TLN2: variants seen among roughly 807,000 people sequenced by gnomAD.
TLN2 encodes the protein talin 2, also known as talin-2.
In TLN2, 118 loss-of-function variants were observed where a neutral mutation model predicts 294.7. The observed-to-expected ratio is 0.40, with a 90% CI of 0.34 to 0.47. The LOEUF (loss-of-function observed/expected upper bound fraction) is 0.47, where lower values mean the gene tolerates loss of function less well. TLN2 is among the 20% of genes least tolerant of loss of function. The probability of loss-of-function intolerance (pLI) is 0.84; values close to 1 mark genes in which losing one functional copy is unlikely to be tolerated. For synonymous variants in TLN2, 1,431 were observed against 1,304.5 expected (o/e 1.10, Z -2.09); for missense variants, 3,083 against 3,282.2 (o/e 0.94, Z 1.48).
intron 33 of TLN2, among the ~76,000 whole-genome samples, chr15:62,750,146 C>T (rs1456364642): frequency 6.6e-6 from 1 of 152,182 alleles, no homozygotes; most frequent in South Asian, 2.1e-4. Flanking sequence ...TGTTTCTTCT[C>T]CTTCAAAACT....
intron 1 of TLN2, among the ~76,000 whole-genome samples, chr15:62,450,974 CTCTT>C (rs1488657466): frequency 6.7e-6 from 1 of 148,638 alleles, no homozygotes; most frequent in Non-Finnish European, 1.5e-5. Flanking sequence ...GGAGTTCTCT[CTCTT>C]TTTTTTTTTT....
intron 18 of TLN2, among the ~76,000 whole-genome samples, 171 bp downstream of exon 18, chr15:62,702,371 A>G (rs771482714): frequency 2.6e-5 from 4 of 152,214 alleles, no homozygotes; most frequent in Admixed American, 6.5e-5. Flanking sequence ...ATCCACATTC[A>G]GGAGTGGTTG....
At chr15:62,657,530 C>G (rs2053362014) in intron 8 of TLN2, among the ~76,000 whole-genome samples, 1 of 152,156 alleles carries the variant, frequency 6.6e-6, no homozygotes, top group South Asian at 2.1e-4. Context: ...TTTGCTTTTG[C>G]TGTACTGGAC....
At chr15:62,552,771 A>G (rs1350759036) in intron 1 of TLN2, among the ~76,000 whole-genome samples, 1 of 152,266 alleles carries the variant, frequency 6.6e-6, no homozygotes, top group East Asian at 1.9e-4. Context: ...AAATAGAAAC[A>G]CACATAAAGC....
intron 3 of TLN2, among the ~76,000 whole-genome samples, chr15:62,620,766 G>A (rs1596366619): frequency 6.7e-6 from 1 of 150,056 alleles, no homozygotes; most frequent in African/African-American, 2.5e-5. Flanking sequence ...ATAGATGTGA[G>A]CCACCACACC....
chr15:62,805,616 A>G lies in TLN2; in HGVS notation c.6494A>G (p.Asp2165Gly), dbSNP rs1457419786. The G allele has an allele frequency of 6.2e-7, 1 of 1,605,938 alleles. No individual in the cohort carries two copies. The highest frequency in any genetic ancestry group is 2.2e-5 in the East Asian group (1 of 44,662). The change falls in exon 51 of 59, where the codon GAC becomes GGC. Residue 2165 changes from aspartate (D) to glycine (G), a missense_variant. Asp to Gly is a moderately conservative substitution (Grantham distance 94, BLOSUM62 -1). Coordinates refer to ENST00000636159, the MANE Select transcript of TLN2 (RefSeq NM_015059.3). ...GACTTCCAGGTGTTCCAGTCAAAAG[A>G]CGTACCTGAAAAGACATCATCACCT... ...KQELTVFQSK[D>G]VPEKTSSPEE...
At chr15:62,425,034 C>A (rs897113594) in intron 1 of TLN2, among the ~76,000 whole-genome samples, 2 of 133,878 alleles carry the variant, frequency 1.5e-5, no homozygotes, top group African/African-American at 2.8e-5. Flanking sequence ...CTCACTGCAG[C>A]CTCTGCCTCC....
chr15:62,461,370 C>G (rs1338973933), intron 1 of TLN2, among the ~76,000 whole-genome samples: 1 of 152,166 alleles, frequency 6.6e-6, no homozygotes, highest in Non-Finnish European at 1.5e-5. Flanking sequence ...GTCTGTCATT[C>G]TCATCATAAT....
chr15:62,776,932 C>T (rs770027340), intron 43 of TLN2, 22 bp downstream of exon 43: 4 of 1,475,622 alleles, frequency 2.7e-6, no homozygotes, highest in African/African-American at 1.4e-5. Context: ...CTCTAGGGCT[C>T]TCTACTCCCT....
chr15:62,819,528 C>T lies in TLN2; in HGVS notation c.6784C>T (p.Pro2262Ser), dbSNP rs771721584. ...TCTTCACCTGTAGATTCTTCAGAAA[C>T]CAACCCCAGAATTCAAGCAGCAGCT... Reference protein sequence around the residue: ...LEHVLVILQKPTPEFKQQLAA... With the variant: ...LEHVLVILQKSTPEFKQQLAA... Residue 2262 changes from proline to serine, a missense_variant, in exon 53 of 59, where the codon CCA becomes TCA. Pro to Ser is a moderately conservative substitution (Grantham distance 74, BLOSUM62 -1). Coordinates refer to ENST00000636159, the MANE Select transcript of TLN2 (RefSeq NM_015059.3). 1 of 1,614,106 alleles carries T rather than the reference C, an allele frequency of 6.2e-7. No homozygotes were observed. The highest frequency in any genetic ancestry group is 1.3e-5 in the African/African-American group (1 of 75,032).
rs773188059 is a variant in TLN2 at position 62,725,102 on chromosome 15, A to G, written c.3253A>G (p.Thr1085Ala). 39 of 1,610,794 alleles carry G rather than the reference A, an allele frequency of 2.4e-5. No homozygotes were observed. The highest frequency in any genetic ancestry group is 2.8e-5 in the Non-Finnish European group (33 of 1,178,476). Residue 1085 changes from threonine (T) to alanine (A), a missense_variant and splice_region_variant, in exon 27 of 59, where the codon ACG becomes GCG. Transcript: ENST00000636159. ...CCAGCTGAAGCCACTTCCAGGGGAA[A>G]CGGTGAGCTGTTAGAGCCAGCTGGG... ...ESQLKPLPGE[T>A]LEKCAQDLGS...
chr15:62,511,479 TA>T (rs1400132713), intron 1 of TLN2, among the ~76,000 whole-genome samples: 1 of 152,206 alleles, frequency 6.6e-6, no homozygotes, highest in Non-Finnish European at 1.5e-5. Flanking sequence ...GTTTTTATGT[TA>T]AAATGCTACT....
At chr15:62,671,572 T>A (rs1207621844) in intron 9 of TLN2, among the ~76,000 whole-genome samples, 2 of 152,216 alleles carry the variant, frequency 1.3e-5, no homozygotes, top group Admixed American at 1.3e-4. Flanking sequence ...GAACCCTTGT[T>A]GAAAATCAGT....
At chr15:62,529,007 T>C (rs2040887100) in intron 1 of TLN2, among the ~76,000 whole-genome samples, 2 of 152,178 alleles carry the variant, frequency 1.3e-5, no homozygotes. Flanking sequence ...AATACTTTAA[T>C]GGAGTCTCTT....
intron 1 of TLN2, among the ~76,000 whole-genome samples, chr15:62,559,135 A>G (rs1214087757): frequency 6.6e-6 from 1 of 152,192 alleles, no homozygotes; most frequent in East Asian, 1.9e-4. Context: ...AGAAATTCAG[A>G]GGGAGGAGTC....
At chr15:62,458,541 T>A (rs1335452052) in intron 1 of TLN2, among the ~76,000 whole-genome samples, 1 of 150,938 alleles carries the variant, frequency 6.6e-6, no homozygotes, top group African/African-American at 2.4e-5. Context: ...TTGAAGATAC[T>A]TGATTAAGAA....
chr15:62,578,577 A>G (rs1431680887), intron 1 of TLN2, among the ~76,000 whole-genome samples: 1 of 152,092 alleles, frequency 6.6e-6, no homozygotes, highest in Non-Finnish European at 1.5e-5. Flanking sequence ...AAACAAACAA[A>G]CAAAAACCCC....
chr15:62,509,556 G>A (rs2039820303), intron 1 of TLN2, among the ~76,000 whole-genome samples: 1 of 152,198 alleles, frequency 6.6e-6, no homozygotes, highest in South Asian at 2.1e-4. Context: ...AGCAGTGTGG[G>A]TGCGAGGGTC....
intron 25 of TLN2, among the ~76,000 whole-genome samples, chr15:62,720,199 C>T (rs1395019676): frequency 1.3e-5 from 2 of 152,214 alleles, no homozygotes; most frequent in Non-Finnish European, 2.9e-5. Context: ...TAGGACTAGG[C>T]ATTGCTTTAG....
Sources: gnomAD v4.1 joint callset for allele counts (sites outside exome capture counted in the v4.1 genomes callset) on GRCh38, gnomAD v4.1.1 for gene constraint, MANE v1.5 for transcripts, NCBI Gene and HGNC (gene_info 2026-07-23, HGNC 2026-07-21) for gene names.